The following NUDT5 variants were observed in gnomAD, a reference collection of about 807,000 sequenced individuals.
The protein encoded by NUDT5 is nudix hydrolase 5.
A neutral mutation model predicts 34.1 loss-of-function variants in NUDT5; 21 were observed. That is an observed-to-expected ratio of 0.62 (90% CI 0.44 to 0.89). NUDT5 has a LOEUF of 0.89. NUDT5 is among the 40% of genes least tolerant of loss of function. NUDT5 has a pLI of 0.00. For missense variants in NUDT5, 249 were observed against 274.8 expected (o/e 0.91, Z 0.66); for synonymous variants, 85 against 97.6 (o/e 0.87, Z 0.76).
At chr10:12,192,741 C>CT (rs768288419) in intron 1 of NUDT5, among the ~76,000 whole-genome samples, 207 of 152,126 alleles carry the variant, frequency 1.4e-3, no homozygotes, top group Non-Finnish European at 2.5e-3. Context: ...GTCCCAGCTA[C>CT]TTGGGAGACT....
At position 12,169,269 on chromosome 10, in the gene NUDT5, A is replaced by C; in HGVS notation, c.550+1448T>G. ...CTCCCTTTTCTAAGACCAAAAGTGAAGTTAAGAAGGTGGAAGGGAGAAGGA... is the reference window on the plus strand; with the variant it reads ...CTCCCTTTTCTAAGACCAAAAGTGACGTTAAGAAGGTGGAAGGGAGAAGGA... On this transcript the variant is annotated intron_variant, in intron 9 of 9. Transcript: ENST00000491614. The surrounding 1 kb of genome is among the most constrained non-coding windows in gnomAD (Gnocchi z 4.8). The C allele has an allele frequency of 6.4e-7, 1 of 1,551,144 alleles. No individual in the cohort carries two copies. Among genetic ancestry groups the C allele is most frequent in the Non-Finnish European group, 8.7e-7 (1 of 1,145,720 alleles).
chr10:12,171,353 C>T lies in NUDT5; in HGVS notation c.488-445G>A, dbSNP rs763429711. 2.0e-5 allele frequency among the ~76,000 whole-genome samples: 3 copies of T among 152,188 alleles called. No homozygotes were observed. The highest frequency in any genetic ancestry group is 2.0e-4 in the Admixed American group (3 of 15,270). Reference sequence around the variant, plus strand: ...TAGTAGCGCTTACTCTACTGTCTTCCTCTATCAGTTTGTCTATTCTGGGCA... The same window carrying T: ...TAGTAGCGCTTACTCTACTGTCTTCTTCTATCAGTTTGTCTATTCTGGGCA... On this transcript the variant is annotated intron_variant, in intron 7 of 9. Transcript: ENST00000491614. This position sits in a 1 kb window ranked among gnomAD's most constrained non-coding sequence, Gnocchi z 4.2.
intron 7 of NUDT5, among the ~76,000 whole-genome samples, chr10:12,172,264 T>C (rs2131700719): frequency 6.6e-6 from 1 of 152,060 alleles, no homozygotes; most frequent in Middle Eastern, 3.4e-3. Context: ...TGCTGCCCGT[T>C]AACAATTACT....
intron 1 of NUDT5, among the ~76,000 whole-genome samples, chr10:12,189,228 C>T (rs1447952814): frequency 6.6e-6 from 1 of 152,140 alleles, no homozygotes; most frequent in Non-Finnish European, 1.5e-5. Context: ...GCCTCAGCCT[C>T]CCGAGTACCT....
rs1834697480 is a variant in NUDT5, at chr10:12,166,462, T to C, written c.*1240A>G. 1 of 237,144 alleles carries C rather than the reference T, an allele frequency of 4.2e-6. No individual in the cohort carries two copies. The highest frequency in any genetic ancestry group is 8.6e-6 in the Non-Finnish European group (1 of 115,752). The allele number at this position is 237,144 out of a possible 1,614,324, so 14.7% of individuals were successfully genotyped here. A position where few individuals can be genotyped will look rare whatever the true frequency, so the allele number is the denominator to read the frequency against. On this transcript the variant is annotated 3_prime_UTR_variant, in exon 10 of 10. Transcript: ENST00000491614. ...TCTGTAAAGTTCTGTATTTCCATAA[T>C]TGTTTTATCTTTAGGAAGTCCAGTG...
chr10:12,182,190 T>C lies in NUDT5; in HGVS notation c.131+2699A>G, dbSNP rs545713097. Among the ~76,000 whole-genome samples, 9 of 151,640 alleles carry C rather than the reference T, an allele frequency of 5.9e-5. No homozygotes were observed. Among genetic ancestry groups the C allele is most frequent in the African/African-American group, 1.9e-4 (8 of 41,366 alleles). ...CTGAAGGGGAGGGTTCCTTTTCCCC[T>C]GGGGGGACACTGAATGTCTGTGTTG... On this transcript the variant is annotated intron_variant, in intron 3 of 9. Coordinates refer to ENST00000491614, the MANE Select transcript of NUDT5 (RefSeq NM_014142.4). This position sits in a 1 kb window ranked among gnomAD's most constrained non-coding sequence, Gnocchi z 4.3.
chr10:12,173,920 G>A lies in NUDT5; in HGVS notation c.290-107C>T. The A allele has an allele frequency of 1.2e-6, 1 of 804,146 alleles. No individual in the cohort carries two copies. 49.8% of individuals were successfully genotyped at this position (804,146 alleles called of 1,614,324 possible). A position where few individuals can be genotyped will look rare whatever the true frequency, so the allele number is the denominator to read the frequency against. On this transcript the variant is annotated intron_variant, in intron 5 of 9. Coordinates refer to ENST00000491614, the MANE Select transcript of NUDT5 (RefSeq NM_014142.4). The surrounding 1 kb of genome is among the most constrained non-coding windows in gnomAD (Gnocchi z 4.7). ...CTCACTCTGTCGCCCAGGCTGGAGT[G>A]CAGTGGTGCGATCTCGGCCCACTGC...
rs1834826679 is a variant in NUDT5, at chr10:12,170,222, C to T, written c.550+495G>A. The T allele has an allele frequency of 6.2e-7, 1 of 1,607,832 alleles. No homozygotes were observed. The highest frequency in any genetic ancestry group is 8.5e-7 in the Non-Finnish European group (1 of 1,175,452). On this transcript the variant is annotated intron_variant, in intron 9 of 9. Transcript: ENST00000491614. The surrounding 1 kb of genome is among the most constrained non-coding windows in gnomAD (Gnocchi z 4.9). ...TGACCAGTGATTTCTAAGGGCCACA[C>T]AGCTGGTTTGGTTTATTATGTGAAA...
rs1834772933 is a variant in NUDT5 at position 12,168,690 on chromosome 10, C to G, written c.551-879G>C. Among the ~76,000 whole-genome samples, 2 of 152,202 alleles carry G rather than the reference C, an allele frequency of 1.3e-5. No individual in the cohort carries two copies. Among genetic ancestry groups the G allele is most frequent in the Admixed American group, 1.3e-4 (2 of 15,284 alleles). On this transcript the variant is annotated intron_variant, in intron 9 of 9. Transcript: ENST00000491614. This position sits in a 1 kb window ranked among gnomAD's most constrained non-coding sequence, Gnocchi z 4.8. Reference sequence around the variant, plus strand: ...GACATTTGCAGGCAGGAAGCATGTCCTACTCACCTGGGCACAGCAGGTGCT... The same window carrying G: ...GACATTTGCAGGCAGGAAGCATGTCGTACTCACCTGGGCACAGCAGGTGCT...
rs573522261 is a variant in NUDT5, at chr10:12,170,059, G to A, written c.550+658C>T. Reference sequence around the variant, plus strand: ...GTATGTCTCCATACAGTATCTCCTCGTCTCCACACAGTATCTCCTCATGTC... The same window carrying A: ...GTATGTCTCCATACAGTATCTCCTCATCTCCACACAGTATCTCCTCATGTC... On this transcript the variant is annotated intron_variant, in intron 9 of 9. Coordinates refer to ENST00000491614, the MANE Select transcript of NUDT5 (RefSeq NM_014142.4). This position sits in a 1 kb window ranked among gnomAD's most constrained non-coding sequence, Gnocchi z 4.9. 17 of 1,573,396 alleles carry A rather than the reference G, an allele frequency of 1.1e-5. No individual in the cohort carries two copies. The highest frequency in any genetic ancestry group is 3.3e-4 in the Middle Eastern group (2 of 6,024).
At chr10:12,190,060 AT>A (rs1314599013) in intron 1 of NUDT5, among the ~76,000 whole-genome samples, 3 of 151,996 alleles carry the variant, frequency 2.0e-5, no homozygotes, top group Non-Finnish European at 4.4e-5. Context: ...TGCCTGATTA[AT>A]TTTTTGTATT....
intron 5 of NUDT5, among the ~76,000 whole-genome samples, chr10:12,176,790 A>G (rs1200996950): frequency 1.3e-5 from 2 of 152,162 alleles, no homozygotes; most frequent in Non-Finnish European, 2.9e-5. Flanking sequence ...CGCACAGCAG[A>G]GCAAACCGTC....
rs1834827443 is a variant in NUDT5, at chr10:12,170,255, C to T, written c.550+462G>A. ...TTGGTTTATTATGTGAAAAGCATATCACACGGAGTATACAGGAAATACCTC... is the reference window on the plus strand; with the variant it reads ...TTGGTTTATTATGTGAAAAGCATATTACACGGAGTATACAGGAAATACCTC... On this transcript the variant is annotated intron_variant, in intron 9 of 9. Transcript: ENST00000491614. The surrounding 1 kb of genome is among the most constrained non-coding windows in gnomAD (Gnocchi z 4.9). 1 of 1,485,438 alleles carries T rather than the reference C, an allele frequency of 6.7e-7. No homozygotes were observed. Among genetic ancestry groups the T allele is most frequent in the South Asian group, 1.1e-5 (1 of 88,020 alleles). The allele number at this position is 1,485,438 out of a possible 1,614,324, so 92.0% of individuals were successfully genotyped here.
intron 4 of NUDT5, among the ~76,000 whole-genome samples, 159 bp from the exon 5 acceptor site, chr10:12,178,059 TA>T (rs1299119814): frequency 6.6e-6 from 1 of 152,198 alleles, no homozygotes; most frequent in Non-Finnish European, 1.5e-5. Flanking sequence ...AAAATGTAAT[TA>T]AAAATCATCA....
rs200767417 is a variant in NUDT5 at position 12,170,754 on chromosome 10, A to C, written c.513T>G (p.Ile171Met). ...KPGDGEFVEV[I>M]SLPKNDLLQR... ...GCAGCAGGTCATTCTTGGGTAAAGA[A>C]ATGACTTCCACAAACTCTAAACAGA... The change falls in exon 9 of 10, where the codon ATT becomes ATG. Residue 171 changes from isoleucine to methionine, a missense_variant. By Grantham distance (10) the Ile-to-Met change is conservative. Coordinates refer to ENST00000491614, the MANE Select transcript of NUDT5 (RefSeq NM_014142.4). The surrounding 1 kb of genome is among the most constrained non-coding windows in gnomAD (Gnocchi z 4.9). The C allele has an allele frequency of 1.2e-6, 2 of 1,614,154 alleles. No homozygotes were observed. Among genetic ancestry groups the C allele is most frequent in the Admixed American group, 3.3e-5 (2 of 60,010 alleles).
rs544917300 is a variant in NUDT5 at position 12,168,753 on chromosome 10, T to C, written c.551-942A>G. Among the ~76,000 whole-genome samples the C allele has an allele frequency of 3.3e-5, 5 of 152,110 alleles. No individual in the cohort carries two copies. The South Asian group carries it at 8.3e-4, about 25-fold the overall frequency. ...GATGCTACTCTTTGTAGCAAACTGATCTTTTTTTAATTTTTTTTTTATGTT... is the reference window on the plus strand; with the variant it reads ...GATGCTACTCTTTGTAGCAAACTGACCTTTTTTTAATTTTTTTTTTATGTT... On this transcript the variant is annotated intron_variant, in intron 9 of 9. Coordinates refer to ENST00000491614, the MANE Select transcript of NUDT5 (RefSeq NM_014142.4). The surrounding 1 kb of genome is among the most constrained non-coding windows in gnomAD (Gnocchi z 4.8).
Position 12,171,052 on chromosome 10 carries a change from C to G in NUDT5, c.488-144G>C. The G allele has an allele frequency of 1.2e-6, 1 of 834,608 alleles. No homozygotes were observed. Among genetic ancestry groups the G allele is most frequent in the Non-Finnish European group, 1.9e-6 (1 of 528,226 alleles). 51.7% of individuals were successfully genotyped at this position (834,608 alleles called of 1,614,324 possible). ...AACTTAATTTATATACATTGTCAAA[C>G]TCGAGCAGTATGAAGTTATTGTTCT... is the stretch of plus-strand genomic sequence containing the variant. On this transcript the variant is annotated intron_variant, in intron 7 of 9. Transcript: ENST00000491614. This position sits in a 1 kb window ranked among gnomAD's most constrained non-coding sequence, Gnocchi z 4.2.
At position 12,170,050 on chromosome 10, in the gene NUDT5, T is replaced by C. The variant is rs926866225; in HGVS notation, c.550+667A>G. On this transcript the variant is annotated intron_variant, in intron 9 of 9. Coordinates refer to ENST00000491614, the MANE Select transcript of NUDT5 (RefSeq NM_014142.4). The surrounding 1 kb of genome is among the most constrained non-coding windows in gnomAD (Gnocchi z 4.9). Reference sequence around the variant, plus strand: ...GGGCCCATGGTATGTCTCCATACAGTATCTCCTCGTCTCCACACAGTATCT... The same window carrying C: ...GGGCCCATGGTATGTCTCCATACAGCATCTCCTCGTCTCCACACAGTATCT... 1 of 1,525,958 alleles carries C rather than the reference T, an allele frequency of 6.6e-7. No individual in the cohort carries two copies. The highest frequency in any genetic ancestry group is 1.4e-5 in the African/African-American group (1 of 73,330). The allele number at this position is 1,525,958 out of a possible 1,614,324, so 94.5% of individuals were successfully genotyped here. A position where few individuals can be genotyped will look rare whatever the true frequency, so the allele number is the denominator to read the frequency against.
rs751254876 is a variant in NUDT5, at chr10:12,181,662, A to G, written c.132-2530T>C. Among the ~76,000 whole-genome samples the G allele has an allele frequency of 7.2e-5, 11 of 152,064 alleles. No individual in the cohort carries two copies. The East Asian group carries it at 1.2e-3, about 16-fold the overall frequency. On this transcript the variant is annotated intron_variant, in intron 3 of 9. Transcript: ENST00000491614. This position sits in a 1 kb window ranked among gnomAD's most constrained non-coding sequence, Gnocchi z 5.0. ...TGACCCTCTGTGGGAGTACCTGCAG[A>G]GGGAAGTCGCCGTGTGCGTGCAAAG...
Sources: gnomAD v4.1 joint callset for allele counts (sites outside exome capture counted in the v4.1 genomes callset) on GRCh38, gnomAD v4.1.1 for gene constraint, Gnocchi (gnomAD v3.1) non-coding constraint, MANE v1.5 for transcripts, NCBI Gene and HGNC (gene_info 2026-07-23, HGNC 2026-07-21) for gene names.